The following ABLIM2 variants were observed in gnomAD, a reference collection of about 807,000 sequenced individuals.
ABLIM2 encodes actin-binding LIM protein 2.
ABLIM2 carries 53 observed loss-of-function variants against 97.7 expected under a neutral mutation model. The observed-to-expected ratio is 0.54, with a 90% CI of 0.44 to 0.68. The LOEUF (loss-of-function observed/expected upper bound fraction) is 0.68. Among genes scored for constraint, ABLIM2 ranks in the 30% least tolerant of loss-of-function variants. The pLI is 0.00. For missense variants in ABLIM2, 835 were observed against 867.2 expected (o/e 0.96, Z 0.47); for synonymous variants, 361 against 345.8 (o/e 1.04, Z -0.49).
chr4:7,966,270 T>A lies in ABLIM2; in HGVS notation c.*720A>T, dbSNP rs1237927371. 2 of 152,640 alleles carry A rather than the reference T, an allele frequency of 1.3e-5. No homozygotes were observed. The highest frequency in any genetic ancestry group is 2.9e-5 in the Non-Finnish European group (2 of 68,052). The allele number at this position is 152,640 out of a possible 1,614,324, so 9.5% of individuals were successfully genotyped here. On this transcript the variant is annotated 3_prime_UTR_variant, in exon 21 of 21. Transcript: ENST00000447017. ...AGGGACCGTAAAATTAAACTCTATA[T>A]ATGTCATCTCGCGTTTAAGTAGGCT...
rs1227730033 is a variant in ABLIM2, at chr4:8,036,141, G to T, written c.1047+8C>A. On this transcript the variant is annotated splice_region_variant and intron_variant, in intron 10 of 20. Transcript: ENST00000447017. ...AGGTGTCCAGGGCCATGTGGGCAGG[G>T]TCCATACCTCGCCGTAGCTCTGCCT... 19 of 1,613,486 alleles carry T rather than the reference G, an allele frequency of 1.2e-5. No individual in the cohort carries two copies. The highest frequency in any genetic ancestry group is 1.4e-5 in the Non-Finnish European group (17 of 1,179,682).
At chr4:7,977,311 T>C (rs1734276270) in intron 20 of ABLIM2, among the ~76,000 whole-genome samples, 1 of 151,920 alleles carries the variant, frequency 6.6e-6, no homozygotes, top group South Asian at 2.1e-4. Context: ...TTTTATAAAA[T>C]ACCCAGTCTC....
At chr4:8,074,872 CTGG>C (rs1000732904) in intron 6 of ABLIM2, among the ~76,000 whole-genome samples, 2 of 150,252 alleles carry the variant, frequency 1.3e-5, no homozygotes, top group Admixed American at 1.3e-4. Context: ...CCTCCACCTC[CTGG>C]TCCTGGTTCA....
Position 8,086,397 on chromosome 4 carries a change from G to A in ABLIM2, c.454+1772C>T, listed in dbSNP as rs530434996. ...CATTCTCACTCTGTCACTCAGGCTG[G>A]AGTGCAGTGGTGCAATCCCAGCTCA... is the stretch of plus-strand genomic sequence containing the variant. On this transcript the variant is annotated intron_variant, in intron 4 of 20. Transcript: ENST00000447017. Among the ~76,000 whole-genome samples, 6 of 147,962 alleles carry A rather than the reference G, an allele frequency of 4.1e-5. 1 individual carries two copies. The highest frequency in any genetic ancestry group is 1.5e-4 in the African/African-American group (6 of 40,146).
At chr4:8,110,742 C>T (rs993719970) in intron 1 of ABLIM2, among the ~76,000 whole-genome samples, 4 of 152,148 alleles carry the variant, frequency 2.6e-5, no homozygotes, top group Non-Finnish European at 5.9e-5. Context: ...CTGCTGGGGC[C>T]GCCTCCGAGG....
chr4:8,063,534 G>A (rs550198670), intron 6 of ABLIM2, among the ~76,000 whole-genome samples: 527 of 152,354 alleles, frequency 3.5e-3, no homozygotes, highest in Non-Finnish European at 6.0e-3. Flanking sequence ...ACAGAGAGGT[G>A]GAAGAGCTTG....
At chr4:8,090,706 T>C (rs1049070915) in intron 3 of ABLIM2, among the ~76,000 whole-genome samples, 1 of 151,456 alleles carries the variant, frequency 6.6e-6, no homozygotes, top group African/African-American at 2.4e-5. Context: ...TAGATTTGTC[T>C]TTTTTTTTAT....
chr4:8,070,503 A>T (rs1233304360), intron 6 of ABLIM2, among the ~76,000 whole-genome samples: 1 of 152,044 alleles, frequency 6.6e-6, no homozygotes, highest in African/African-American at 2.4e-5. Context: ...ATTTGGAAAC[A>T]CGGTTTGTTT....
chr4:8,002,068 C>A lies in ABLIM2; in HGVS notation c.1618+5991G>T, dbSNP rs1757599603. Reference sequence around the variant, plus strand: ...GTCTCAGACCCTCTTGAGAAAGGAACACAAACTCAGGACACAGCCACGTAC... The same window carrying A: ...GTCTCAGACCCTCTTGAGAAAGGAAAACAAACTCAGGACACAGCCACGTAC... On this transcript the variant is annotated intron_variant, in intron 16 of 20. Transcript: ENST00000447017. The surrounding 1 kb of genome is among the most constrained non-coding windows in gnomAD (Gnocchi z 6.1). 6.6e-6 allele frequency among the ~76,000 whole-genome samples: 1 copy of A among 152,182 alleles called. No homozygotes were observed. Among genetic ancestry groups the A allele is most frequent in the African/African-American group, 2.4e-5 (1 of 41,434 alleles).
intron 3 of ABLIM2, among the ~76,000 whole-genome samples, chr4:8,089,212 A>G (rs4696750): frequency 0.73 from 110,305 of 152,072 alleles, 40,464 homozygotes; most frequent in African/African-American, 0.81. Context: ...TGTCTTTGGA[A>G]ACTGAGGGAT....
chr4:8,115,323 G>T (rs914307489), intron 1 of ABLIM2, among the ~76,000 whole-genome samples: 1 of 152,124 alleles, frequency 6.6e-6, no homozygotes, highest in Non-Finnish European at 1.5e-5. Flanking sequence ...GCTCATGAGG[G>T]GAATCACTTG....
In ABLIM2 at chr4:8,013,347, C is replaced by T. The variant is rs577604726; in HGVS notation, c.1424-4245G>A. Among the ~76,000 whole-genome samples the T allele has an allele frequency of 8.6e-5, 13 of 151,844 alleles. No individual in the cohort carries two copies. The South Asian group carries it at 1.3e-3, about 15-fold the overall frequency. On this transcript the variant is annotated intron_variant, in intron 14 of 20. Coordinates refer to ENST00000447017, the MANE Select transcript of ABLIM2 (RefSeq NM_001130083.2). ...AAGCAATTCTCCTGCCTCAGCCTCC[C>T]GCGTAGCTGGGATTACAGGTGACCA...
At chr4:8,073,207 G>A (rs1047847135) in intron 6 of ABLIM2, among the ~76,000 whole-genome samples, 6 of 151,442 alleles carry the variant, frequency 4.0e-5, no homozygotes, top group African/African-American at 1.5e-4. Flanking sequence ...AGGCACAGGC[G>A]TGGTAGGGGT....
chr4:8,097,335 T>G, intron 2 of ABLIM2, 53 bp from the exon 3 acceptor site: 1 of 1,541,714 alleles, frequency 6.5e-7, no homozygotes, highest in Non-Finnish European at 8.7e-7. Flanking sequence ...CATCTCCACG[T>G]CCCCCAGGCC....
Position 8,019,654 on chromosome 4 carries a change from T to C in ABLIM2, c.1387A>G (p.Asn463Asp). 6.2e-7 allele frequency: 1 copy of C among 1,612,490 alleles called. No homozygotes were observed. Among genetic ancestry groups the C allele is most frequent in the Non-Finnish European group, 8.5e-7 (1 of 1,179,354 alleles). Residue 463 changes from asparagine to aspartate, a missense_variant, in exon 14 of 21, where the codon AAC becomes GAC. By Grantham distance (23) the Asn-to-Asp change is conservative. Transcript: ENST00000447017. The surrounding 1 kb of genome is among the most constrained non-coding windows in gnomAD (Gnocchi z 4.3). ...FHVPDTGVKD[N>D]IYRKPPIYRQ... ...TAGATAGGGGGTTTCCTATAGATGT[T>C]ATCTTTTACGCCAGTGTCTGGGGAA...
Position 8,019,688 on chromosome 4 carries a change from A to G in ABLIM2, c.1370-17T>C, listed in dbSNP as rs774920164. The G allele has an allele frequency of 3.1e-6, 5 of 1,603,352 alleles. No homozygotes were observed. The Admixed American group carries it at 6.8e-5, about 22-fold the overall frequency. ...CGCCAGTGTCTGGGGAAGAAGAAAG[A>G]AAAAAAAGGAGAGAACAGGAGGGTA... On this transcript the variant is annotated splice_polypyrimidine_tract_variant and intron_variant, in intron 13 of 20. Transcript: ENST00000447017. This position sits in a 1 kb window ranked among gnomAD's most constrained non-coding sequence, Gnocchi z 4.3.
At chr4:8,103,283 T>C (rs12511735) in intron 2 of ABLIM2, among the ~76,000 whole-genome samples, 37,699 of 152,242 alleles carry the variant, frequency 0.25, 5,651 homozygotes, top group Non-Finnish European at 0.35. Context: ...TACGCTGCAC[T>C]CTCATGAGAG....
In ABLIM2 at chr4:8,032,726, A is replaced by G. The variant is rs754123116; in HGVS notation, c.1048-2950T>C. ...GTGGCCATTAGTGCTGGCGCCAGGC[A>G]GAGAGGGAGGAGGGCAGTTCCGTGA... On this transcript the variant is annotated intron_variant, in intron 10 of 20. Transcript: ENST00000447017. The surrounding 1 kb of genome is among the most constrained non-coding windows in gnomAD (Gnocchi z 4.3). 3.2e-5 allele frequency: 52 copies of G among 1,610,012 alleles called. No homozygotes were observed. The highest frequency in any genetic ancestry group is 5.4e-5 in the African/African-American group (4 of 74,488).
chr4:8,109,918 G>T (rs1839473193), intron 1 of ABLIM2, among the ~76,000 whole-genome samples: 1 of 152,360 alleles, frequency 6.6e-6, no homozygotes, highest in East Asian at 1.9e-4. Flanking sequence ...CAGCAGGCTT[G>T]TCCCACGCGC....
Sources: allele counts gnomAD v4.1 joint callset (sites outside exome capture counted in the v4.1 genomes callset), GRCh38; gene constraint gnomAD v4.1.1; non-coding constraint Gnocchi (gnomAD v3.1); transcripts MANE v1.5; gene names NCBI Gene and HGNC (gene_info 2026-07-23, HGNC 2026-07-21).